The following SLC24A2 variants were observed in gnomAD, a reference collection of about 807,000 sequenced individuals.
The protein encoded by SLC24A2 is solute carrier family 24 member 2.
Under a neutral mutation model 62.0 loss-of-function variants are expected in SLC24A2, and 36 were observed. The ratio of observed to expected loss-of-function variants is 0.58; its 90% CI spans 0.44 to 0.77. SLC24A2 has a LOEUF of 0.77. Ranked by LOEUF, SLC24A2 falls within the 30% of genes least tolerant of loss-of-function variation. SLC24A2 has a pLI of 0.00. For synonymous variants in SLC24A2, 358 were observed against 294.0 expected, an observed-to-expected ratio of 1.22 and a Z score of -2.23; for missense variants, 846 against 817.9, an observed-to-expected ratio of 1.03 and a Z score of -0.42.
the SLC24A2 span, among the ~76,000 whole-genome samples, chr9:19,867,412 T>C: frequency 1.3e-5 from 2 of 152,200 alleles, no homozygotes; most frequent in African/African-American, 4.8e-5. Context: ...ATTTCAGTAA[T>C]TTGTGTCTTT....
the SLC24A2 span, among the ~76,000 whole-genome samples, chr9:20,106,217 A>T: frequency 6.6e-6 from 1 of 152,198 alleles, no homozygotes; most frequent in South Asian, 2.1e-4. Flanking sequence ...TAGCTTACCA[A>T]CCAAAAAGAG....
the SLC24A2 span, among the ~76,000 whole-genome samples, chr9:20,143,740 T>C: frequency 2.6e-5 from 4 of 152,268 alleles, no homozygotes; most frequent in Non-Finnish European, 4.4e-5. Flanking sequence ...AAGGCAGGTA[T>C]ACATTTATAA....
the SLC24A2 span, among the ~76,000 whole-genome samples, chr9:20,248,972 C>T: frequency 6.6e-6 from 1 of 152,250 alleles, no homozygotes; most frequent in Admixed American, 6.5e-5. Context: ...TAGACCACAG[C>T]CTGCACAGGC....
the SLC24A2 span, among the ~76,000 whole-genome samples, chr9:20,284,752 G>T: frequency 1.2e-4 from 19 of 152,154 alleles, no homozygotes; most frequent in African/African-American, 4.6e-4. Context: ...CAAGGAGCCA[G>T]ATGAAAAGCC....
the SLC24A2 span, among the ~76,000 whole-genome samples, chr9:20,276,418 G>C: frequency 2.0e-5 from 3 of 152,364 alleles, no homozygotes; most frequent in East Asian, 3.9e-4. Flanking sequence ...GCAAGAGTTG[G>C]GTTCCCATGG....
At chr9:19,908,968 C>A in the SLC24A2 span, among the ~76,000 whole-genome samples, 1 of 152,132 alleles carries the variant, frequency 6.6e-6, no homozygotes, top group African/African-American at 2.4e-5. Flanking sequence ...GTGACCCAGC[C>A]ATCCCATTAC....
At chr9:19,737,878 A>G (rs1231542597) in intron 2 of SLC24A2, among the ~76,000 whole-genome samples, 1 of 152,172 alleles carries the variant, frequency 6.6e-6, no homozygotes, top group Non-Finnish European at 1.5e-5. Flanking sequence ...GTCCTTCTAT[A>G]TGCCAATGAA....
At chr9:19,809,739 TA>T in the SLC24A2 span, among the ~76,000 whole-genome samples, 1 of 152,084 alleles carries the variant, frequency 6.6e-6, no homozygotes. Context: ...GTAAACGTCA[TA>T]CCTGATCGAA....
chr9:19,873,449 CTT>C, the SLC24A2 span, among the ~76,000 whole-genome samples: 3 of 124,282 alleles, frequency 2.4e-5, no homozygotes, highest in Admixed American at 1.6e-4. Context: ...CTTTCTTTCT[CTT>C]TCTTTCTTTC....
At chr9:19,968,513 G>C in the SLC24A2 span, among the ~76,000 whole-genome samples, 1 of 152,202 alleles carries the variant, frequency 6.6e-6, no homozygotes, top group Admixed American at 6.6e-5. Flanking sequence ...CAGACTCTAA[G>C]AAGTGGATAG....
the SLC24A2 span, among the ~76,000 whole-genome samples, chr9:20,222,892 C>T: frequency 1.3e-5 from 2 of 151,926 alleles, no homozygotes; most frequent in African/African-American, 2.4e-5. Flanking sequence ...GTGACAGCTT[C>T]GCTTTAATAC....
At chr9:19,967,318 C>T in the SLC24A2 span, 1 of 152,114 alleles carries the variant, frequency 6.6e-6, no homozygotes, top group Non-Finnish European at 1.5e-5. Flanking sequence ...TTCACTTACA[C>T]ATACTTGTAC....
At chr9:20,051,657 C>CTCTCTTTTTTTTTTTTTTTTTTTTTTT in the SLC24A2 span, among the ~76,000 whole-genome samples, 2 of 73,508 alleles carry the variant, frequency 2.7e-5, no homozygotes, top group African/African-American at 1.2e-4. Flanking sequence ...TTTTCTTTCT[C>CTCTCTTTTTTTTTTTTTTTTTTTTTTT]TTTTTTTTTT....
At chr9:19,844,430 G>T in the SLC24A2 span, among the ~76,000 whole-genome samples, 2 of 152,072 alleles carry the variant, frequency 1.3e-5, no homozygotes, top group Non-Finnish European at 2.9e-5. Context: ...TTTGTCAGAT[G>T]CATAGTTTGC....
chr9:20,008,410 T>C, the SLC24A2 span, among the ~76,000 whole-genome samples: 1 of 152,280 alleles, frequency 6.6e-6, no homozygotes, highest in Admixed American at 6.5e-5. Flanking sequence ...ATATTCTCTA[T>C]TGGTTTTAGA....
the SLC24A2 span, among the ~76,000 whole-genome samples, chr9:20,059,448 T>C: frequency 5.3e-5 from 8 of 152,298 alleles, no homozygotes; most frequent in East Asian, 1.3e-3. Context: ...TCTTACAAAA[T>C]ATCTTTTCCA....
At chr9:19,546,039 A>C (rs960142709) in intron 8 of SLC24A2, among the ~76,000 whole-genome samples, 2 of 152,216 alleles carry the variant, frequency 1.3e-5, no homozygotes, top group Non-Finnish European at 2.9e-5. Flanking sequence ...GAGGCTGCAG[A>C]ACAGCAAAGA....
chr9:20,107,291 T>C, the SLC24A2 span, among the ~76,000 whole-genome samples: 3 of 151,942 alleles, frequency 2.0e-5, no homozygotes, highest in African/African-American at 7.3e-5. Context: ...ATAGATTCAA[T>C]GCCATCCCCA....
chr9:20,051,315 T>C, the SLC24A2 span, among the ~76,000 whole-genome samples: 1 of 152,102 alleles, frequency 6.6e-6, no homozygotes, highest in Non-Finnish European at 1.5e-5. Flanking sequence ...CAGACTAACT[T>C]TTGGTAGACC....
Sources: allele counts gnomAD v4.1 joint callset (sites outside exome capture counted in the v4.1 genomes callset), GRCh38; gene constraint gnomAD v4.1.1; transcripts MANE v1.5; gene names NCBI Gene and HGNC (gene_info 2026-07-23, HGNC 2026-07-21).